The following SLC44A5 variants were observed in gnomAD, a reference collection of about 807,000 sequenced individuals.
SLC44A5 encodes solute carrier family 44 member 5, also known as choline transporter-like protein 5.
In SLC44A5, 57 loss-of-function variants were observed where a neutral mutation model predicts 101.8. The observed-to-expected ratio is 0.56, with a 90% CI of 0.45 to 0.70. The LOEUF (loss-of-function observed/expected upper bound fraction) is 0.70, where lower values mean the gene tolerates loss of function less well. Among genes scored for constraint, SLC44A5 ranks in the 30% least tolerant of loss-of-function variants. SLC44A5 has a pLI of 0.00. For missense variants in SLC44A5, 737 were observed against 853.1 expected (o/e 0.86, Z 1.70); for synonymous variants, 281 against 290.9 (o/e 0.97, Z 0.35).
intron 5 of SLC44A5, among the ~76,000 whole-genome samples, chr1:75,297,035 C>T (rs967972140): frequency 2.0e-5 from 3 of 152,118 alleles, no homozygotes; most frequent in Non-Finnish European, 2.9e-5. Flanking sequence ...GACTCCTCCA[C>T]GTAGCTGCTA....
chr1:75,594,400 A>T (rs918201547), intron 1 of SLC44A5, among the ~76,000 whole-genome samples: 17 of 152,052 alleles, frequency 1.1e-4, no homozygotes, highest in African/African-American at 3.9e-4. Context: ...TCCAAATGAA[A>T]TGTTAAAAGA....
chr1:75,327,083 TTA>T (rs1423843811), intron 4 of SLC44A5, among the ~76,000 whole-genome samples: 1 of 119,550 alleles, frequency 8.4e-6, no homozygotes, highest in Non-Finnish European at 1.8e-5. Context: ...TTTCTAAGCT[TTA>T]TTTTTTTTTT....
intron 3 of SLC44A5, among the ~76,000 whole-genome samples, chr1:75,369,383 T>G (rs1660080808): frequency 6.6e-6 from 1 of 152,100 alleles, no homozygotes; most frequent in African/African-American, 2.4e-5. Context: ...TCAGAGAAAT[T>G]TAAAAATAAT....
intron 14 of SLC44A5, 142 bp downstream of exon 14, chr1:75,222,219 G>T (rs1647100319): frequency 1.6e-6 from 1 of 626,944 alleles, no homozygotes; most frequent in Non-Finnish European, 2.8e-6. Context: ...GCCTCCCAAA[G>T]TGCTGGGATT....
At chr1:75,692,185 C>CTTTT in the SLC44A5 span, among the ~76,000 whole-genome samples, 291 of 84,762 alleles carry the variant, frequency 3.4e-3, 24 homozygotes, top group Middle Eastern at 0.011. Flanking sequence ...AGATGGGATT[C>CTTTT]TTTTTTTTTT....
chr1:75,417,308 T>A (rs1024272662), intron 2 of SLC44A5, among the ~76,000 whole-genome samples: 1 of 152,230 alleles, frequency 6.6e-6, no homozygotes, highest in African/African-American at 2.4e-5. Context: ...ATGTAAGATG[T>A]GACTTGGTCC....
intron 3 of SLC44A5, among the ~76,000 whole-genome samples, chr1:75,353,520 C>T (rs1446985648): frequency 6.6e-6 from 1 of 152,162 alleles, no homozygotes; most frequent in African/African-American, 2.4e-5. Flanking sequence ...ATAGTAGATG[C>T]TGATTAAATA....
chr1:75,710,562 T>TAAAAAAAAAAAAA, the SLC44A5 span: 3 of 52,304 alleles, frequency 5.7e-5, no homozygotes, highest in Non-Finnish European at 9.2e-5. Context: ...AGACCCTACC[T>TAAAAAAAAAAAAA]AAAAAAAAAA....
At chr1:75,389,898 CAAAT>C (rs1661666559) in intron 3 of SLC44A5, among the ~76,000 whole-genome samples, 1 of 151,610 alleles carries the variant, frequency 6.6e-6, no homozygotes, top group Non-Finnish European at 1.5e-5. Flanking sequence ...AAAGGAGAAA[CAAAT>C]AACGCCAATA....
chr1:75,234,865 C>T (rs933156118), intron 11 of SLC44A5, among the ~76,000 whole-genome samples: 4 of 152,014 alleles, frequency 2.6e-5, no homozygotes, highest in Non-Finnish European at 5.9e-5. Flanking sequence ...AGGTTAAGGT[C>T]ACATTGGAGT....
At chr1:75,393,126 T>A (rs1390166518) in intron 3 of SLC44A5, among the ~76,000 whole-genome samples, 1 of 152,156 alleles carries the variant, frequency 6.6e-6, no homozygotes, top group Non-Finnish European at 1.5e-5. Context: ...TATACTCTTG[T>A]AACAAGCCTG....
At chr1:75,601,184 C>T (rs1007203351) in intron 1 of SLC44A5, among the ~76,000 whole-genome samples, 2 of 152,110 alleles carry the variant, frequency 1.3e-5, no homozygotes, top group Non-Finnish European at 2.9e-5. Context: ...AAACAGTGAT[C>T]AGCACAAGAA....
intron 2 of SLC44A5, among the ~76,000 whole-genome samples, chr1:75,520,045 C>T (rs1054276012): frequency 6.6e-6 from 1 of 152,182 alleles, no homozygotes; most frequent in Non-Finnish European, 1.5e-5. Flanking sequence ...AGACAGAAAC[C>T]CATTTTTATC....
chr1:75,411,397 C>T (rs1023068753), intron 2 of SLC44A5, among the ~76,000 whole-genome samples: 2 of 152,014 alleles, frequency 1.3e-5, no homozygotes, highest in African/African-American at 4.8e-5. Flanking sequence ...TTTCACCTGC[C>T]TTTGGAGAAT....
intron 4 of SLC44A5, among the ~76,000 whole-genome samples, chr1:75,333,200 C>T (rs1164276138): frequency 1.3e-5 from 2 of 152,078 alleles, no homozygotes; most frequent in East Asian, 1.9e-4. Context: ...TTTATAAAGT[C>T]TCAAATGTAG....
At chr1:75,409,113 T>C (rs1663104566) in intron 2 of SLC44A5, among the ~76,000 whole-genome samples, 3 of 152,158 alleles carry the variant, frequency 2.0e-5, no homozygotes, top group Admixed American at 2.0e-4. Flanking sequence ...TCTTCGCTTA[T>C]AAATGGACGC....
intron 3 of SLC44A5, among the ~76,000 whole-genome samples, chr1:75,350,959 T>C (rs1408196601): frequency 6.7e-6 from 1 of 149,842 alleles, no homozygotes; most frequent in African/African-American, 2.5e-5. Flanking sequence ...AGATAAAGCA[T>C]GTGAATTTTA....
chr1:75,342,406 T>C (rs1252547370), intron 3 of SLC44A5, among the ~76,000 whole-genome samples: 1 of 152,178 alleles, frequency 6.6e-6, no homozygotes, highest in Non-Finnish European at 1.5e-5. Context: ...TCATGCCATT[T>C]CAATGTAATA....
chr1:75,226,415 G>A (rs1056476409), intron 13 of SLC44A5, among the ~76,000 whole-genome samples: 1 of 152,012 alleles, frequency 6.6e-6, no homozygotes. Context: ...TGCTTTCCAG[G>A]TGCTCTGATC....
Sources: allele counts gnomAD v4.1 joint callset (sites outside exome capture counted in the v4.1 genomes callset), GRCh38; gene constraint gnomAD v4.1.1; transcripts MANE v1.5; gene names NCBI Gene and HGNC (gene_info 2026-07-23, HGNC 2026-07-21).